MACROD2: variants seen among roughly 807,000 people sequenced by gnomAD.
The protein encoded by MACROD2 is mono-ADP ribosylhydrolase 2.
A neutral mutation model predicts 70.4 loss-of-function variants in MACROD2; 36 were observed. The observed-to-expected ratio is 0.51, with a 90% CI of 0.39 to 0.68. The LOEUF (loss-of-function observed/expected upper bound fraction) is 0.68. Among genes scored for constraint, MACROD2 ranks in the 30% least tolerant of loss-of-function variants. The probability of loss-of-function intolerance (pLI) is 0.00; values close to 1 mark genes in which losing one functional copy is unlikely to be tolerated. For missense variants in MACROD2, 496 were observed against 538.4 expected (o/e 0.92, Z 0.78); for synonymous variants, 172 against 178.8 (o/e 0.96, Z 0.30).
intron 8 of MACROD2, among the ~76,000 whole-genome samples, chr20:15,744,423 T>C (rs889358060): frequency 6.6e-6 from 1 of 152,314 alleles, no homozygotes; most frequent in South Asian, 2.1e-4. Flanking sequence ...GTCACTTTAT[T>C]TGAAGGTACT....
chr20:15,405,958 C>T (rs1190899427), intron 6 of MACROD2, among the ~76,000 whole-genome samples: 1 of 152,212 alleles, frequency 6.6e-6, no homozygotes, highest in Non-Finnish European at 1.5e-5. Context: ...TTCTTAGTGT[C>T]TGACACGCAG....
chr20:14,962,454 T>TATATATATAGTATTTATAC (rs1568899628), intron 5 of MACROD2, among the ~76,000 whole-genome samples: 1 of 143,768 alleles, frequency 7.0e-6, no homozygotes, highest in Non-Finnish European at 1.5e-5. Context: ...AGTATTTATA[T>TATATATATAGTATTTATAC]ATATATATAG....
intron 12 of MACROD2, among the ~76,000 whole-genome samples, chr20:15,960,728 C>T (rs1219139421): frequency 2.0e-5 from 3 of 152,130 alleles, no homozygotes; most frequent in African/African-American, 7.2e-5. Flanking sequence ...CTCCCAAATC[C>T]TTGGGGGTCC....
At chr20:14,723,155 C>A (rs2071489664) in intron 5 of MACROD2, among the ~76,000 whole-genome samples, 1 of 152,148 alleles carries the variant, frequency 6.6e-6, no homozygotes, top group South Asian at 2.1e-4. Flanking sequence ...TTTGTGCTAT[C>A]TCCTTGGTGT....
chr20:14,881,870 C>G (rs772914509), intron 5 of MACROD2, among the ~76,000 whole-genome samples: 122 of 152,294 alleles, frequency 8.0e-4, no homozygotes, highest in Non-Finnish European at 1.3e-3. Flanking sequence ...AGGTTTACCT[C>G]TTGCCTGGCC....
chr20:14,931,995 CT>C (rs1461814348), intron 5 of MACROD2, among the ~76,000 whole-genome samples: 1 of 122,064 alleles, frequency 8.2e-6, no homozygotes, highest in Non-Finnish European at 1.7e-5. Flanking sequence ...GAGTGAGACC[CT>C]GTTTCTTAAA....
intron 6 of MACROD2, among the ~76,000 whole-genome samples, chr20:15,365,263 A>G (rs912690277): frequency 7.2e-5 from 11 of 152,058 alleles, no homozygotes; most frequent in Non-Finnish European, 1.0e-4. Context: ...TGAAAGATCT[A>G]TGTAAAGATG....
intron 5 of MACROD2, among the ~76,000 whole-genome samples, chr20:15,029,610 A>G (rs1251817856): frequency 2.6e-5 from 4 of 152,156 alleles, no homozygotes; most frequent in Non-Finnish European, 5.9e-5. Flanking sequence ...GCTTTTCTCA[A>G]GTTAGTTTAT....
intron 4 of MACROD2, among the ~76,000 whole-genome samples, chr20:14,669,028 T>A (rs576795899): frequency 6.6e-6 from 1 of 152,296 alleles, no homozygotes; most frequent in South Asian, 2.1e-4. Flanking sequence ...AAGGAATAAT[T>A]GTATTGCTTG....
chr20:15,190,162 A>G (rs987356141), intron 5 of MACROD2, among the ~76,000 whole-genome samples: 2 of 152,214 alleles, frequency 1.3e-5, no homozygotes, highest in African/African-American at 4.8e-5. Context: ...TAACAAGGGC[A>G]GTATGTGTTT....
At chr20:15,272,389 A>C (rs2077353730) in intron 6 of MACROD2, among the ~76,000 whole-genome samples, 1 of 152,222 alleles carries the variant, frequency 6.6e-6, no homozygotes, top group Non-Finnish European at 1.5e-5. Flanking sequence ...TCATAGTTAG[A>C]ATTGTATTTT....
intron 5 of MACROD2, among the ~76,000 whole-genome samples, chr20:15,003,672 A>G (rs1002054500): frequency 1.3e-5 from 2 of 152,186 alleles, no homozygotes; most frequent in Non-Finnish European, 2.9e-5. Context: ...CATTTGGGCT[A>G]TAGTTTAAAT....
intron 4 of MACROD2, chr20:14,567,074 C>T (rs959564858): frequency 6.6e-6 from 1 of 151,900 alleles, no homozygotes; most frequent in African/African-American, 2.4e-5. Context: ...CCTTTTGCCT[C>T]AGACTCCCTA....
In MACROD2 at chr20:14,067,763, C is replaced by A. The variant is rs148280122; in HGVS notation, c.164-17858C>A. ...AAAATCCTGGGAGAGTGAAGTGTGT[C>A]CTTATTTAAAGAACTTCTGGATCTA... On this transcript the variant is annotated intron_variant, in intron 2 of 17. Transcript: ENST00000684519. Among the ~76,000 whole-genome samples, 674 of 152,246 alleles carry A rather than the reference C, an allele frequency of 4.4e-3. 4 individuals carry two copies. The highest frequency in any genetic ancestry group is 0.015 in the African/African-American group (642 of 41,546).
chr20:14,760,126 G>T (rs2071995177), intron 5 of MACROD2, among the ~76,000 whole-genome samples: 1 of 152,056 alleles, frequency 6.6e-6, no homozygotes, highest in African/African-American at 2.4e-5. Flanking sequence ...TTCATGTGTT[G>T]CACAGAACTC....
rs187349579 is a variant in MACROD2, at chr20:14,934,406, G to C, written c.418+249447G>C. Reference sequence around the variant, plus strand: ...AGCAGCTATGAAGCTGTAATCCTACGCACCTTCAACCCGTCTCCCCATGAG... The same window carrying C: ...AGCAGCTATGAAGCTGTAATCCTACCCACCTTCAACCCGTCTCCCCATGAG... On this transcript the variant is annotated intron_variant, in intron 5 of 17. Transcript: ENST00000684519. Among the ~76,000 whole-genome samples, 75 of 152,212 alleles carry C rather than the reference G, an allele frequency of 4.9e-4. 1 individual carries two copies. The highest frequency in any genetic ancestry group is 9.9e-4 in the Non-Finnish European group (67 of 68,010).
intron 8 of MACROD2, among the ~76,000 whole-genome samples, chr20:15,649,858 G>A (rs2049617665): frequency 6.6e-6 from 1 of 152,130 alleles, no homozygotes; most frequent in Non-Finnish European, 1.5e-5. Context: ...ACCCAAAGAT[G>A]TCACATATAC....
At chr20:14,260,748 A>G (rs1200400142) in intron 3 of MACROD2, among the ~76,000 whole-genome samples, 1 of 152,250 alleles carries the variant, frequency 6.6e-6, no homozygotes, top group Admixed American at 6.5e-5. Flanking sequence ...TTGTCTATAA[A>G]ACATTTTAAT....
At chr20:15,211,578 A>G (rs1415538563) in intron 5 of MACROD2, among the ~76,000 whole-genome samples, 3 of 151,968 alleles carry the variant, frequency 2.0e-5, no homozygotes, top group Non-Finnish European at 4.4e-5. Flanking sequence ...GGTTGTTTAA[A>G]AGATGCTGGA....
Sources: allele counts gnomAD v4.1 joint callset (sites outside exome capture counted in the v4.1 genomes callset), GRCh38; gene constraint gnomAD v4.1.1; transcripts MANE v1.5; gene names NCBI Gene and HGNC (gene_info 2026-07-23, HGNC 2026-07-21).